The following PXT1 variants were observed in gnomAD, a reference collection of about 807,000 sequenced individuals.
PXT1 encodes peroxisomal testis-specific protein 1.
In PXT1, 11 loss-of-function variants were observed where a neutral mutation model predicts 11.0. That is an observed-to-expected ratio of 1.00 (90% CI 0.63 to 1.66). The LOEUF (loss-of-function observed/expected upper bound fraction) is 1.66, where lower values mean the gene tolerates loss of function less well. Among genes scored for constraint, PXT1 ranks in the 40% most tolerant of loss-of-function variants. The pLI is 0.00. For synonymous variants in PXT1, 43 were observed against 51.4 expected, an observed-to-expected ratio of 0.84 and a Z score of 0.70; for missense variants, 141 against 155.5, an observed-to-expected ratio of 0.91 and a Z score of 0.49.
At chr6:36,425,800 C>CAAACAAACAAACAAACAAAA in intron 3 of PXT1, 114 bp downstream of exon 3, 1 of 216,042 alleles carries the variant, frequency 4.6e-6, no homozygotes, top group African/African-American at 3.4e-5. Context: ...AAAACAAAAA[C>CAAACAAACAAACAAACAAAA]AAAAAATATA....
rs1162335169 is a variant in PXT1, at chr6:36,400,588, C to T, written c.170-4G>A. 1 of 1,609,624 alleles carries T rather than the reference C, an allele frequency of 6.2e-7. No individual in the cohort carries two copies. The highest frequency in any genetic ancestry group is 1.3e-5 in the African/African-American group (1 of 74,738). ...GGCTGAGAAAGTAGATTATGATCTGCATTGAGAAAAAAGAGTTCAAAAGAG... is the reference window on the plus strand; with the variant it reads ...GGCTGAGAAAGTAGATTATGATCTGTATTGAGAAAAAAGAGTTCAAAAGAG... On this transcript the variant is annotated splice_polypyrimidine_tract_variant and splice_region_variant and intron_variant, in intron 3 of 4. Coordinates refer to ENST00000454782, the MANE Select transcript of PXT1 (RefSeq NM_152990.4).
intron 2 of PXT1, among the ~76,000 whole-genome samples, chr6:36,433,393 G>C (rs376120849): frequency 6.0e-4 from 92 of 152,188 alleles, no homozygotes; most frequent in African/African-American, 1.9e-3. Context: ...AAAAGAGAAT[G>C]ACCTTGGAGA....
At chr6:36,432,239 C>A (rs139909501) in intron 2 of PXT1, among the ~76,000 whole-genome samples, 1 of 151,638 alleles carries the variant, frequency 6.6e-6, no homozygotes, top group Non-Finnish European at 1.5e-5. Flanking sequence ...GGAGGATGAG[C>A]GAGGGAAAAA....
chr6:36,395,530 T>C (rs1484412621), intron 4 of PXT1, among the ~76,000 whole-genome samples: 2 of 102,290 alleles, frequency 2.0e-5, no homozygotes, highest in Admixed American at 2.6e-4. Flanking sequence ...TGAGACAGGG[T>C]CTCACTCTGT....
chr6:36,400,578 T>C lies in PXT1; in HGVS notation c.176A>G (p.Asn59Ser). Reference sequence around the variant, plus strand: ...ATGCTCCTTGGGCTGAGAAAGTAGATTATGATCTGCATTGAGAAAAAAGAG... The same window carrying C: ...ATGCTCCTTGGGCTGAGAAAGTAGACTATGATCTGCATTGAGAAAAAAGAG... ...VPAMSRNPDHNLLSQPKEHSI... is the reference protein window; with the variant it reads ...VPAMSRNPDHSLLSQPKEHSI... The change falls in exon 4 of 5, where the codon AAT becomes AGT. Residue 59 changes from asparagine (N) to serine (S), a missense_variant. Transcript: ENST00000454782. 1 of 1,612,892 alleles carries C rather than the reference T, an allele frequency of 6.2e-7. No individual in the cohort carries two copies. The highest frequency in any genetic ancestry group is 8.5e-7 in the Non-Finnish European group (1 of 1,179,590).
intron 3 of PXT1, among the ~76,000 whole-genome samples, chr6:36,423,692 G>GT (rs1190253070): frequency 6.6e-6 from 1 of 152,092 alleles, no homozygotes; most frequent in African/African-American, 2.4e-5. Context: ...TTCTTCAGTG[G>GT]TATCATAAAG....
intron 2 of PXT1, among the ~76,000 whole-genome samples, chr6:36,433,542 G>A (rs1212180445): frequency 1.3e-5 from 2 of 151,968 alleles, no homozygotes; most frequent in Non-Finnish European, 2.9e-5. Context: ...AGGCTAGGCC[G>A]GGCACGGTGG....
Position 36,391,613 on chromosome 6 carries a change from C to A in PXT1, c.*157G>T. The A allele has an allele frequency of 1.5e-6, 1 of 657,196 alleles. No homozygotes were observed. The highest frequency in any genetic ancestry group is 2.7e-6 in the Non-Finnish European group (1 of 364,668). 40.7% of individuals were successfully genotyped at this position (657,196 alleles called of 1,614,324 possible). ...TCCGAAGAGACAAATGGCTCGTGAA[C>A]CCGCAGTTCTTCAACAAACTGGGTG... On this transcript the variant is annotated 3_prime_UTR_variant, in exon 5 of 5. Coordinates refer to ENST00000454782, the MANE Select transcript of PXT1 (RefSeq NM_152990.4).
chr6:36,418,341 C>T (rs1774480731), intron 3 of PXT1, among the ~76,000 whole-genome samples: 1 of 152,054 alleles, frequency 6.6e-6, no homozygotes, highest in African/African-American at 2.4e-5. Flanking sequence ...AAAACATGAC[C>T]AATTAAGGAA....
chr6:36,421,600 T>C (rs9394350), intron 3 of PXT1, among the ~76,000 whole-genome samples: 68,169 of 152,052 alleles, frequency 0.45, 16,055 homozygotes, highest in Middle Eastern at 0.55. Context: ...TCAGGAAAGT[T>C]TTTAAAACTT....
chr6:36,418,988 C>T (rs1774488889), intron 3 of PXT1, among the ~76,000 whole-genome samples: 1 of 152,152 alleles, frequency 6.6e-6, no homozygotes, highest in Non-Finnish European at 1.5e-5. Flanking sequence ...TGGCTTACGG[C>T]CTTCTGATCA....
chr6:36,426,446 C>T (rs1418488179), intron 2 of PXT1, among the ~76,000 whole-genome samples: 2 of 149,418 alleles, frequency 1.3e-5, no homozygotes, highest in South Asian at 4.3e-4. Context: ...TCTCGGCTCA[C>T]CACAACCTCT....
intron 3 of PXT1, among the ~76,000 whole-genome samples, chr6:36,421,390 G>A (rs1774523396): frequency 6.6e-6 from 1 of 152,162 alleles, no homozygotes; most frequent in Admixed American, 6.5e-5. Flanking sequence ...GAGCCCAGGA[G>A]TTCGAGGCTG....
At chr6:36,405,169 C>T (rs772972055) in intron 3 of PXT1, among the ~76,000 whole-genome samples, 10 of 151,672 alleles carry the variant, frequency 6.6e-5, no homozygotes, top group African/African-American at 1.9e-4. Context: ...TTTGTGTCTC[C>T]GTTTTTAACA....
chr6:36,439,431 G>C (rs1774822422), intron 1 of PXT1, among the ~76,000 whole-genome samples: 1 of 151,382 alleles, frequency 6.6e-6, no homozygotes, highest in South Asian at 2.1e-4. Context: ...GGCCAACCTG[G>C]TGAAACCCCA....
At chr6:36,401,497 C>T (rs1774213997) in intron 3 of PXT1, among the ~76,000 whole-genome samples, 1 of 151,914 alleles carries the variant, frequency 6.6e-6, no homozygotes, top group Non-Finnish European at 1.5e-5. Flanking sequence ...CACCTGTAGT[C>T]CCACCTACTC....
At chr6:36,418,177 C>CAA (rs1774477824) in intron 3 of PXT1, among the ~76,000 whole-genome samples, 1 of 150,016 alleles carries the variant, frequency 6.7e-6, no homozygotes, top group Non-Finnish European at 1.5e-5. Context: ...GCCTGGGCGA[C>CAA]AGAGCGAGAC....
chr6:36,409,494 T>C (rs772250487), intron 3 of PXT1, among the ~76,000 whole-genome samples: 6 of 151,962 alleles, frequency 3.9e-5, no homozygotes, highest in Non-Finnish European at 8.8e-5. Flanking sequence ...CCCAGCTCAC[T>C]GTACCTAGCA....
intron 4 of PXT1, among the ~76,000 whole-genome samples, chr6:36,398,935 C>T (rs972029803): frequency 6.6e-6 from 1 of 152,106 alleles, no homozygotes; most frequent in Non-Finnish European, 1.5e-5. Context: ...TTATCTGCCC[C>T]CTCCCCACAT....
Sources: allele counts gnomAD v4.1 joint callset (sites outside exome capture counted in the v4.1 genomes callset), GRCh38; gene constraint gnomAD v4.1.1; transcripts MANE v1.5; gene names NCBI Gene and HGNC (gene_info 2026-07-23, HGNC 2026-07-21).